Variants in TRAPPC10 observed in about 807,000 individuals in gnomAD.
The protein encoded by TRAPPC10 is trafficking protein particle complex subunit 10.
Under a neutral mutation model 125.5 loss-of-function variants are expected in TRAPPC10, and 23 were observed. The observed-to-expected ratio is 0.18, with a 90% CI of 0.13 to 0.26. The LOEUF (loss-of-function observed/expected upper bound fraction) is 0.26, where lower values mean the gene tolerates loss of function less well. Among genes scored for constraint, TRAPPC10 ranks in the 10% least tolerant of loss-of-function variants. The pLI, the probability that TRAPPC10 is intolerant of heterozygous loss-of-function variation, is 1.00. For synonymous variants in TRAPPC10, 509 were observed against 518.0 expected (o/e 0.98, Z 0.24); for missense variants, 1,123 against 1,308.4 (o/e 0.86, Z 2.19).
intron 7 of TRAPPC10, among the ~76,000 whole-genome samples, chr21:44,072,573 C>T (rs993460905): frequency 1.1e-4 from 16 of 152,196 alleles, no homozygotes; most frequent in African/African-American, 3.9e-4. Flanking sequence ...AAATGATTCT[C>T]CTGTCTAAGC....
intron 1 of TRAPPC10, among the ~76,000 whole-genome samples, chr21:44,016,541 C>T (rs757069519): frequency 3.1e-4 from 47 of 152,106 alleles, no homozygotes; most frequent in Admixed American, 5.2e-4. Context: ...TTTGGGGTTC[C>T]AGGTCTGATA....
intron 3 of TRAPPC10, among the ~76,000 whole-genome samples, chr21:44,040,816 A>G (rs56218303): frequency 0.036 from 5,190 of 145,230 alleles, 319 homozygotes; most frequent in African/African-American, 0.13. Context: ...GGATCTTACC[A>G]TGTTGCCCAG....
At chr21:44,067,582 C>G (rs2036543143) in intron 7 of TRAPPC10, among the ~76,000 whole-genome samples, 1 of 152,168 alleles carries the variant, frequency 6.6e-6, no homozygotes, top group African/African-American at 2.4e-5. Context: ...CTGCCAGGCA[C>G]TGTGGGAGAC....
At chr21:44,015,415 TTTATTA>T (rs935203018) in intron 1 of TRAPPC10, among the ~76,000 whole-genome samples, 3 of 152,066 alleles carry the variant, frequency 2.0e-5, no homozygotes, top group Admixed American at 1.3e-4. Flanking sequence ...TTCACTTCAT[TTTATTA>T]TTATTATTTT....
intron 6 of TRAPPC10, chr21:44,062,874 A>G (rs2036161678): frequency 2.0e-6 from 2 of 985,274 alleles, no homozygotes; most frequent in Non-Finnish European, 2.4e-6. Context: ...AGATTCAAAG[A>G]TTTTTTTCAA....
intron 4 of TRAPPC10, among the ~76,000 whole-genome samples, chr21:44,053,462 C>T (rs192878044): frequency 1.3e-4 from 20 of 152,072 alleles, no homozygotes; most frequent in Admixed American, 3.9e-4. Context: ...ATTAATGTGC[C>T]GTAAGTTATT....
rs747507166 is a variant in TRAPPC10, at chr21:44,076,523, A to AG, written c.1301-28dup. On this transcript the variant is annotated intron_variant, in intron 9 of 22. Coordinates refer to ENST00000291574, the MANE Select transcript of TRAPPC10 (RefSeq NM_003274.5). ...ATGTGACTGGACATGATGAAGATGA[A>AG]GAGGGACTCTCGTTTCTTTCTGTTT... 4 of 1,572,982 alleles carry AG rather than the reference A, an allele frequency of 2.5e-6. No homozygotes were observed. In the South Asian group the frequency reaches 4.4e-5, roughly 17 times the overall value.
chr21:44,091,856 C>G, intron 18 of TRAPPC10, 67 bp from the exon 19 acceptor site: 1 of 1,500,746 alleles, frequency 6.7e-7, no homozygotes, highest in Non-Finnish European at 9.1e-7. Flanking sequence ...GTCTCCTTAA[C>G]AAAGCTAAGA....
intron 7 of TRAPPC10, among the ~76,000 whole-genome samples, chr21:44,073,037 T>C (rs953332035): frequency 1.3e-5 from 2 of 152,228 alleles, no homozygotes; most frequent in Non-Finnish European, 2.9e-5. Context: ...TTCTGTGCCT[T>C]CCCTCAGTGT....
At chr21:44,074,589 T>A in intron 8 of TRAPPC10, 119 bp downstream of exon 8, 3 of 1,338,774 alleles carry the variant, frequency 2.2e-6, no homozygotes, top group Non-Finnish European at 3.1e-6. Flanking sequence ...TGCATCCACT[T>A]TAGTGGCCCT....
In TRAPPC10 at chr21:44,059,824, C is replaced by T. The variant is rs977929081; in HGVS notation, c.790+610C>T. The T allele has an allele frequency of 4.5e-5, 15 of 337,042 alleles. No homozygotes were observed. The East Asian group carries it at 7.4e-4, about 17-fold the overall frequency. The allele number at this position is 337,042 out of a possible 1,614,324, so 20.9% of individuals were successfully genotyped here. A position where few individuals can be genotyped will look rare whatever the true frequency, so the allele number is the denominator to read the frequency against. ...TTTGTTACTCACAGCCCATCCTGGG[C>T]ATCTCTCCAGGTTAGCAGGTGGGGT... On this transcript the variant is annotated intron_variant, in intron 6 of 22. Coordinates refer to ENST00000291574, the MANE Select transcript of TRAPPC10 (RefSeq NM_003274.5). The surrounding 1 kb of genome is among the most constrained non-coding windows in gnomAD (Gnocchi z 4.4).
intron 1 of TRAPPC10, among the ~76,000 whole-genome samples, chr21:44,017,542 G>A (rs775812072): frequency 1.3e-5 from 2 of 152,056 alleles, no homozygotes; most frequent in Non-Finnish European, 2.9e-5. Flanking sequence ...TTATTAAGTA[G>A]TTAGATTCCA....
chr21:44,061,361 G>A (rs1316506054), intron 6 of TRAPPC10, among the ~76,000 whole-genome samples: 2 of 152,030 alleles, frequency 1.3e-5, no homozygotes, highest in African/African-American at 2.4e-5. Context: ...GGATGGTCTC[G>A]ATCTCCTCGT....
intron 1 of TRAPPC10, among the ~76,000 whole-genome samples, chr21:44,016,756 T>C (rs1457704317): frequency 3.3e-5 from 5 of 152,194 alleles, no homozygotes; most frequent in Admixed American, 3.3e-4. Flanking sequence ...CCTCCCGGGT[T>C]CACGCCATTC....
At position 44,087,347 on chromosome 21, in the gene TRAPPC10, C is replaced by T. The variant is rs1025861897; in HGVS notation, c.2540-352C>T. On this transcript the variant is annotated intron_variant, in intron 16 of 22. Transcript: ENST00000291574. This position sits in a 1 kb window ranked among gnomAD's most constrained non-coding sequence, Gnocchi z 4.6. ...CTGAGCACTCCCATCCTCCCAGCCACGAGGAAGGGGAAGGGGAGGACCCTG... is the reference window on the plus strand; with the variant it reads ...CTGAGCACTCCCATCCTCCCAGCCATGAGGAAGGGGAAGGGGAGGACCCTG... Among the ~76,000 whole-genome samples the T allele has an allele frequency of 5.3e-5, 8 of 152,092 alleles. No individual in the cohort carries two copies. Among genetic ancestry groups the T allele is most frequent in the African/African-American group, 1.2e-4 (5 of 41,410 alleles).
intron 20 of TRAPPC10, among the ~76,000 whole-genome samples, chr21:44,095,594 C>T (rs986063215): frequency 1.4e-5 from 2 of 142,538 alleles, no homozygotes; most frequent in Non-Finnish European, 3.1e-5. Context: ...GACAGAGACT[C>T]GCTGTGTCGC....
intron 7 of TRAPPC10, among the ~76,000 whole-genome samples, chr21:44,072,946 G>C (rs1211323370): frequency 6.6e-6 from 1 of 152,228 alleles, no homozygotes; most frequent in Admixed American, 6.5e-5. Flanking sequence ...GGCCTGCTGT[G>C]GTTTGACTGA....
At position 44,059,360 on chromosome 21, in the gene TRAPPC10, T is replaced by C; in HGVS notation, c.790+146T>C. 1 of 693,586 alleles carries C rather than the reference T, an allele frequency of 1.4e-6. No homozygotes were observed. Among genetic ancestry groups the C allele is most frequent in the Non-Finnish European group, 2.6e-6 (1 of 382,574 alleles). 43.0% of individuals were successfully genotyped at this position (693,586 alleles called of 1,614,324 possible). On this transcript the variant is annotated intron_variant, in intron 6 of 22. Transcript: ENST00000291574. The surrounding 1 kb of genome is among the most constrained non-coding windows in gnomAD (Gnocchi z 4.4). Reference sequence around the variant, plus strand: ...ACACATTATATCGGATATATTCTCGTGATTCCTAGAGGAAATGAAATGAGA... The same window carrying C: ...ACACATTATATCGGATATATTCTCGCGATTCCTAGAGGAAATGAAATGAGA...
chr21:44,056,191 A>G (rs1423324577), intron 5 of TRAPPC10, among the ~76,000 whole-genome samples: 1 of 152,226 alleles, frequency 6.6e-6, no homozygotes, highest in African/African-American at 2.4e-5. Context: ...AATAAAATTA[A>G]TATCCATGAG....
Sources: allele counts gnomAD v4.1 joint callset (sites outside exome capture counted in the v4.1 genomes callset), GRCh38; gene constraint gnomAD v4.1.1; non-coding constraint Gnocchi (gnomAD v3.1); transcripts MANE v1.5; gene names NCBI Gene and HGNC (gene_info 2026-07-23, HGNC 2026-07-21).